MID1: variants seen among roughly 807,000 people sequenced by gnomAD.
The protein encoded by MID1 is E3 ubiquitin-protein ligase Midline-1.
In MID1, 7 loss-of-function variants were observed where a neutral mutation model predicts 40.4. The ratio of observed to expected loss-of-function variants is 0.17; its 90% CI spans 0.10 to 0.33. The LOEUF (loss-of-function observed/expected upper bound fraction) is 0.33, where lower values mean the gene tolerates loss of function less well. Among genes scored for constraint, MID1 ranks in the 10% least tolerant of loss-of-function variants. The probability of loss-of-function intolerance (pLI) is 1.00; values close to 1 mark genes in which losing one functional copy is unlikely to be tolerated. For synonymous variants in MID1, 229 were observed against 221.2 expected, an observed-to-expected ratio of 1.04 and a Z score of -0.31; for missense variants, 367 against 558.5, an observed-to-expected ratio of 0.66 and a Z score of 3.46.
intron 2 of MID1, among the ~76,000 whole-genome samples, chrX:10,557,217 C>A (rs1934156488): frequency 9.0e-6 from 1 of 111,659 alleles, no homozygotes; most frequent in Non-Finnish European, 1.9e-5. Flanking sequence ...ATCTTCTAGG[C>A]AACTTATTTT....
At chrX:10,813,346 C>T (rs2044115567) in intron 1 of MID1, among the ~76,000 whole-genome samples, 1 of 111,297 alleles carries the variant, frequency 9.0e-6, no homozygotes, top group Admixed American at 9.6e-5. Context: ...TGGGTCCTGC[C>T]TACTACATGC....
chrX:10,808,056 G>A (rs913692888), intron 1 of MID1, among the ~76,000 whole-genome samples: 2 of 112,497 alleles, frequency 1.8e-5, no homozygotes, highest in African/African-American at 6.5e-5. Flanking sequence ...GCTTATACAC[G>A]CATTCACTCC....
chrX:10,698,854 G>C (rs1234282452), intron 1 of MID1, among the ~76,000 whole-genome samples: 1 of 111,167 alleles, frequency 9.0e-6, no homozygotes, highest in Admixed American at 9.6e-5. Flanking sequence ...CCAGAAAGAG[G>C]AGACAACTTC....
chrX:10,712,069 G>A (rs2043271695), intron 1 of MID1, among the ~76,000 whole-genome samples: 1 of 112,210 alleles, frequency 8.9e-6, no homozygotes, highest in Non-Finnish European at 1.9e-5. Flanking sequence ...TGGATTCAAA[G>A]TCCATATTTA....
chrX:10,648,082 A>G (rs1408602512), intron 1 of MID1, among the ~76,000 whole-genome samples: 3 of 112,247 alleles, frequency 2.7e-5, no homozygotes, highest in Non-Finnish European at 5.6e-5. Context: ...CACAGATTTC[A>G]TATATGTACA....
At chrX:10,775,163 G>A (rs1395455371) in intron 1 of MID1, among the ~76,000 whole-genome samples, 2 of 107,583 alleles carry the variant, frequency 1.9e-5, no homozygotes, top group Non-Finnish European at 3.8e-5. Context: ...AGGGGGAGAG[G>A]GAGCAAGAAT....
chrX:10,690,217 C>T (rs2043123646), intron 1 of MID1, among the ~76,000 whole-genome samples: 2 of 112,015 alleles, frequency 1.8e-5, no homozygotes, highest in African/African-American at 6.5e-5. Flanking sequence ...CTCCATTTGA[C>T]AAAGGAGACT....
chrX:10,791,287 G>C (rs1483175221), intron 1 of MID1, among the ~76,000 whole-genome samples: 1 of 111,959 alleles, frequency 8.9e-6, no homozygotes, highest in Non-Finnish European at 1.9e-5. Flanking sequence ...AATGTAAAGA[G>C]AATGGGGCAC....
chrX:10,483,534 T>C (rs1350551341), intron 4 of MID1, among the ~76,000 whole-genome samples: 1 of 112,020 alleles, frequency 8.9e-6, no homozygotes, highest in African/African-American at 3.2e-5. Flanking sequence ...CAAGTTAAAA[T>C]TAGACAGCTA....
At chrX:10,675,073 T>C (rs1202471648) in intron 1 of MID1, among the ~76,000 whole-genome samples, 1 of 112,296 alleles carries the variant, frequency 8.9e-6, no homozygotes, top group Non-Finnish European at 1.9e-5. Context: ...TTTTCAATTT[T>C]TGAATATTCT....
chrX:10,582,297 GC>G (rs1325305761), intron 1 of MID1, among the ~76,000 whole-genome samples: 5 of 111,496 alleles, frequency 4.5e-5, no homozygotes, highest in African/African-American at 1.6e-4. Context: ...CTCCCCTGGC[GC>G]GAGATACTAC....
chrX:10,482,941 A>G (rs1270498762), intron 4 of MID1, among the ~76,000 whole-genome samples: 1 of 112,304 alleles, frequency 8.9e-6, no homozygotes, highest in African/African-American at 3.2e-5. Context: ...TCCCTGGACT[A>G]TTCCACACAA....
chrX:10,699,130 T>C (rs2043179229), intron 1 of MID1, among the ~76,000 whole-genome samples: 1 of 112,024 alleles, frequency 8.9e-6, no homozygotes, highest in African/African-American at 3.2e-5. Context: ...TGAAATAAAC[T>C]CCATTTTCCT....
intron 3 of MID1, among the ~76,000 whole-genome samples, chrX:10,517,458 A>G (rs1932505610): frequency 8.9e-6 from 1 of 112,407 alleles, no homozygotes; most frequent in Admixed American, 9.4e-5. Flanking sequence ...GACAATATCC[A>G]TATTATTTTC....
intron 1 of MID1, among the ~76,000 whole-genome samples, chrX:10,646,661 T>C (rs146882916): frequency 0.03 from 3,319 of 111,384 alleles, 71 homozygotes; most frequent in African/African-American, 0.07. Flanking sequence ...TTTCTCCCTT[T>C]AGAACACAGC....
At chrX:10,560,599 C>T (rs186657198) in intron 2 of MID1, among the ~76,000 whole-genome samples, 2 of 110,966 alleles carry the variant, frequency 1.8e-5, no homozygotes, top group East Asian at 2.8e-4. Context: ...AGAGCCAAAT[C>T]ATGAGTGAAC....
At chrX:10,774,225 G>A (rs781179699) in intron 1 of MID1, among the ~76,000 whole-genome samples, 25 of 110,957 alleles carry the variant, frequency 2.3e-4, no homozygotes, top group African/African-American at 7.5e-4. Flanking sequence ...CAAGAAAGGG[G>A]GCTCAGTCAA....
chrX:10,621,227 A>C (rs1323880333), upstream of MID1, among the ~76,000 whole-genome samples: 1 of 111,526 alleles, frequency 9.0e-6, no homozygotes, highest in Non-Finnish European at 1.9e-5. Flanking sequence ...AAAAAAAAAA[A>C]TTTAGTGCAT....
At chrX:10,773,081 G>C (rs1398770776) in intron 1 of MID1, among the ~76,000 whole-genome samples, 3 of 111,756 alleles carry the variant, frequency 2.7e-5, no homozygotes, top group Non-Finnish European at 5.6e-5. Context: ...TAAAAATTTA[G>C]TTTAAACTGA....
Sources: gnomAD v4.1 joint callset for allele counts (sites outside exome capture counted in the v4.1 genomes callset) on GRCh38, gnomAD v4.1.1 for gene constraint, MANE v1.5 for transcripts, NCBI Gene and HGNC (gene_info 2026-07-23, HGNC 2026-07-21) for gene names.